The following MTCH1 variants were observed in gnomAD, a reference collection of about 807,000 sequenced individuals.
MTCH1 encodes the protein mitochondrial carrier homolog 1.
In MTCH1, 23 loss-of-function variants were observed where a neutral mutation model predicts 49.3. The ratio of observed to expected loss-of-function variants is 0.47; its 90% CI spans 0.34 to 0.66. MTCH1 has a LOEUF of 0.66. Ranked by LOEUF, MTCH1 falls within the 30% of genes least tolerant of loss-of-function variation. The pLI, the probability that MTCH1 is intolerant of heterozygous loss-of-function variation, is 0.01. For missense variants in MTCH1, 397 were observed against 532.1 expected, an observed-to-expected ratio of 0.75 and a Z score of 2.50; for synonymous variants, 229 against 215.2, an observed-to-expected ratio of 1.06 and a Z score of -0.56.
chr6:36,985,762 C>T, intron 1 of MTCH1, 91 bp downstream of exon 1: 2 of 1,035,824 alleles, frequency 1.9e-6, no homozygotes, highest in South Asian at 2.7e-5. Flanking sequence ...CCAAATCCGT[C>T]GCCATTGACT....
At chr6:36,974,933 CA>C (rs939857045) in intron 7 of MTCH1, among the ~76,000 whole-genome samples, 3 of 152,174 alleles carry the variant, frequency 2.0e-5, no homozygotes, top group East Asian at 3.9e-4. Flanking sequence ...AACGGCAAAT[CA>C]AAATACAACT....
chr6:36,970,566 C>A (rs1464886585), intron 9 of MTCH1, 81 bp downstream of exon 9: 1 of 1,607,860 alleles, frequency 6.2e-7, no homozygotes. Context: ...GACCTGCCTC[C>A]AGCCATTACC....
chr6:36,969,328 T>C, intron 11 of MTCH1: 1 of 1,108,162 alleles, frequency 9.0e-7, no homozygotes, highest in Non-Finnish European at 1.1e-6. Context: ...ACTGCGGCTC[T>C]CCTCCCTGCT....
chr6:36,977,768 G>T lies in MTCH1; in HGVS notation c.592-77C>A. ...CTGGCCCTCGAGGGGAGCTACAAGT[G>T]CTCAGGAGGGAGAAACCTGTCCCAG... On this transcript the variant is annotated intron_variant, in intron 4 of 11. Coordinates refer to ENST00000373627, the MANE Select transcript of MTCH1 (RefSeq NM_001271641.2). This position sits in a 1 kb window ranked among gnomAD's most constrained non-coding sequence, Gnocchi z 5.4. 7.6e-7 allele frequency: 1 copy of T among 1,313,616 alleles called. No homozygotes were observed. Among genetic ancestry groups the T allele is most frequent in the Non-Finnish European group, 1.1e-6 (1 of 938,398 alleles). 81.4% of individuals were successfully genotyped at this position (1,313,616 alleles called of 1,614,324 possible). A position where few individuals can be genotyped will look rare whatever the true frequency, so the allele number is the denominator to read the frequency against.
chr6:36,977,249 G>T lies in MTCH1; in HGVS notation c.651C>A (p.Val217=). The change falls in exon 6 of 12, where the codon GTC becomes GTA. Residue 217 remains valine, a splice_region_variant and synonymous_variant. Coordinates refer to ENST00000373627, the MANE Select transcript of MTCH1 (RefSeq NM_001271641.2). This position sits in a 1 kb window ranked among gnomAD's most constrained non-coding sequence, Gnocchi z 5.4. ...ACTGGACCATGCAGCGCATTGAGATGACTGAGGAAAAAAAAGAAAACACAC... is the reference window on the plus strand; with the variant it reads ...ACTGGACCATGCAGCGCATTGAGATTACTGAGGAAAAAAAAGAAAACACAC... ...VSRMLAHPLH[V]ISMRCMVQFV... 1 of 1,613,952 alleles carries T rather than the reference G, an allele frequency of 6.2e-7. No individual in the cohort carries two copies. The highest frequency in any genetic ancestry group is 1.1e-5 in the South Asian group (1 of 91,068).
intron 2 of MTCH1, among the ~76,000 whole-genome samples, chr6:36,980,058 T>C (rs1164782614): frequency 2.6e-5 from 4 of 152,188 alleles, no homozygotes; most frequent in East Asian, 3.8e-4. Context: ...CCATGACAAG[T>C]AGAGGAGCAG....
intron 8 of MTCH1, 182 bp from the exon 9 acceptor site, chr6:36,970,876 G>A: frequency 1.4e-6 from 1 of 691,600 alleles, no homozygotes; most frequent in East Asian, 2.7e-5. Context: ...GGGGTAAGTG[G>A]ACTGAAGGGA....
In MTCH1 at chr6:36,977,584, G is replaced by A. The variant is rs139493217; in HGVS notation, c.649+50C>T. 802 of 1,369,052 alleles carry A rather than the reference G, an allele frequency of 5.9e-4. No individual in the cohort carries two copies. The highest frequency in any genetic ancestry group is 1.4e-3 in the African/African-American group (101 of 70,292). The allele number at this position is 1,369,052 out of a possible 1,614,324, so 84.8% of individuals were successfully genotyped here. On this transcript the variant is annotated intron_variant, in intron 5 of 11. Coordinates refer to ENST00000373627, the MANE Select transcript of MTCH1 (RefSeq NM_001271641.2). This position sits in a 1 kb window ranked among gnomAD's most constrained non-coding sequence, Gnocchi z 5.4. ...CACGAGGGGGCGCCCCTCACCCCAC[G>A]CCCCCGACGCCAGCTTAGATACAGT...
At chr6:36,970,780 T>C in intron 8 of MTCH1, 86 bp from the exon 9 acceptor site, 1 of 1,421,628 alleles carries the variant, frequency 7.0e-7, no homozygotes, top group Non-Finnish European at 9.8e-7. Flanking sequence ...CCACCCTCTG[T>C]GCTGAGCTCC....
rs762868839 is a variant in MTCH1 at position 36,970,481 on chromosome 6, C to A, written c.955-8G>T. On this transcript the variant is annotated splice_region_variant and splice_polypyrimidine_tract_variant and intron_variant, in intron 9 of 11. Transcript: ENST00000373627. ...CAGCATGCTCACTGCAATCTGAAAC[C>A]CAGAGAGGCCTGAGTGCCAGTGACC... is the stretch of plus-strand genomic sequence containing the variant. 1.2e-6 allele frequency: 2 copies of A among 1,614,164 alleles called. No homozygotes were observed. The highest frequency in any genetic ancestry group is 1.7e-6 in the Non-Finnish European group (2 of 1,180,022).
In MTCH1 at chr6:36,977,889, C is replaced by A. The variant is rs1457507174; in HGVS notation, c.591+189G>T. On this transcript the variant is annotated intron_variant, in intron 4 of 11. Transcript: ENST00000373627. This position sits in a 1 kb window ranked among gnomAD's most constrained non-coding sequence, Gnocchi z 5.4. ...AGTGCTGTCGGGTCCCAGGCTAGGC[C>A]CAACAATGGCTGAGAAGGCTTTCCG... Among the ~76,000 whole-genome samples, 1 of 152,188 alleles carries A rather than the reference C, an allele frequency of 6.6e-6. No individual in the cohort carries two copies.
At chr6:36,970,008 G>C in intron 11 of MTCH1, 31 bp downstream of exon 11, 6 of 1,612,416 alleles carry the variant, frequency 3.7e-6, no homozygotes, top group Non-Finnish European at 5.1e-6. Flanking sequence ...CAAAGAACAG[G>C]AAAGGCCTCC....
intron 7 of MTCH1, among the ~76,000 whole-genome samples, chr6:36,974,544 C>T (rs1359042758): frequency 6.6e-6 from 1 of 152,072 alleles, no homozygotes; most frequent in East Asian, 1.9e-4. Context: ...CTGAATAAGT[C>T]TTTGTTGCGG....
chr6:36,970,962 G>T, intron 8 of MTCH1: 1 of 530,296 alleles, frequency 1.9e-6, no homozygotes, highest in East Asian at 3.4e-5. Flanking sequence ...AGCCTCAAGG[G>T]CTGAGCCCGT....
chr6:36,970,247 G>A, intron 10 of MTCH1, 133 bp from the exon 11 acceptor site: 2 of 1,419,816 alleles, frequency 1.4e-6, no homozygotes, highest in Non-Finnish European at 2.0e-6. Context: ...GTTTACCCCA[G>A]GGGGTGCTGG....
intron 1 of MTCH1, among the ~76,000 whole-genome samples, chr6:36,983,388 T>C (rs1764176160): frequency 6.6e-6 from 1 of 152,236 alleles, no homozygotes; most frequent in South Asian, 2.1e-4. Flanking sequence ...TTTGCTGTCC[T>C]TATCCAGTTT....
chr6:36,986,066 G>A lies in MTCH1; in HGVS notation c.108C>T (p.Val36=). 1 of 1,444,012 alleles carries A rather than the reference G, an allele frequency of 6.9e-7. No homozygotes were observed. Among genetic ancestry groups the A allele is most frequent in the Non-Finnish European group, 9.0e-7 (1 of 1,108,708 alleles). The allele number at this position is 1,444,012 out of a possible 1,614,324, so 89.4% of individuals were successfully genotyped here. A position where few individuals can be genotyped will look rare whatever the true frequency, so the allele number is the denominator to read the frequency against. Residue 36 remains valine, a synonymous_variant, in exon 1 of 12, where the codon GTC becomes GTT. Transcript: ENST00000373627. ...AGARGGAAAG[V]EARARDPPPA... Reference sequence around the variant, plus strand: ...GCGGTGGATCGCGAGCTCGAGCCTCGACCCCCGCCGCCGCTCCGCCGCGAG... The same window carrying A: ...GCGGTGGATCGCGAGCTCGAGCCTCAACCCCCGCCGCCGCTCCGCCGCGAG...
rs2293380 is a variant in MTCH1, at chr6:36,970,375, T to C, written c.1022+31A>G. 1.3e-3 allele frequency: 2,070 copies of C among 1,612,588 alleles called. 31 individuals are homozygous for C. The East Asian group carries it at 0.027, about 21-fold the overall frequency. On this transcript the variant is annotated intron_variant, in intron 10 of 11. Coordinates refer to ENST00000373627, the MANE Select transcript of MTCH1 (RefSeq NM_001271641.2). ...TCCCCCACCCCACAGCCTTGGTAGGTAGAGTGGCAAGTAGAGGGGCGCACA... is the reference window on the plus strand; with the variant it reads ...TCCCCCACCCCACAGCCTTGGTAGGCAGAGTGGCAAGTAGAGGGGCGCACA...
rs763852239 is a variant in MTCH1 at position 36,971,710 on chromosome 6, T to C, written c.906+942A>G. Among the ~76,000 whole-genome samples, 3 of 152,052 alleles carry C rather than the reference T, an allele frequency of 2.0e-5. No homozygotes were observed. In the South Asian group the frequency reaches 6.2e-4, roughly 32 times the overall value. ...CAGACATGTACCACACACACACACA[T>C]GCTGAACATGACCCCCTTCCCACCC... On this transcript the variant is annotated intron_variant, in intron 8 of 11. Transcript: ENST00000373627.
Sources: allele counts gnomAD v4.1 joint callset (sites outside exome capture counted in the v4.1 genomes callset), GRCh38; gene constraint gnomAD v4.1.1; non-coding constraint Gnocchi (gnomAD v3.1); transcripts MANE v1.5; gene names NCBI Gene and HGNC (gene_info 2026-07-23, HGNC 2026-07-21).